The following ZBTB10 variants were observed in gnomAD, a reference collection of about 807,000 sequenced individuals.
ZBTB10 encodes zinc finger and BTB domain-containing protein 10.
A neutral mutation model predicts 76.4 loss-of-function variants in ZBTB10; 32 were observed. The ratio of observed to expected loss-of-function variants is 0.42; its 90% CI spans 0.32 to 0.56. The LOEUF is 0.56. ZBTB10 is among the 20% of genes least tolerant of loss of function. The pLI is 0.14. For missense variants in ZBTB10, 1,057 were observed against 1,098.5 expected, an observed-to-expected ratio of 0.96 and a Z score of 0.53; for synonymous variants, 523 against 432.9, an observed-to-expected ratio of 1.21 and a Z score of -2.58.
chr8:80,497,228 C>G (rs1386213622), intron 1 of ZBTB10, among the ~76,000 whole-genome samples: 1 of 149,894 alleles, frequency 6.7e-6, no homozygotes, highest in African/African-American at 2.4e-5. Flanking sequence ...TTTTTTTTTT[C>G]TTTTAACCAA....
chr8:80,516,161 C>T (rs1040801340), intron 3 of ZBTB10, among the ~76,000 whole-genome samples: 6 of 152,130 alleles, frequency 3.9e-5, no homozygotes, highest in African/African-American at 1.2e-4. Context: ...TGGGCTCAAG[C>T]GATCCTCCCA....
chr8:80,490,043 T>C (rs182183751), intron 1 of ZBTB10, among the ~76,000 whole-genome samples: 45 of 152,326 alleles, frequency 3.0e-4, no homozygotes, highest in Admixed American at 1.0e-3. Flanking sequence ...GCAATCATTT[T>C]GTTTTTCGTT....
At chr8:80,510,639 A>AGTGTGGGGGTGTGTGTGT (rs60169757) in intron 2 of ZBTB10, among the ~76,000 whole-genome samples, 21 of 125,784 alleles carry the variant, frequency 1.7e-4, no homozygotes, top group African/African-American at 6.1e-4. Flanking sequence ...TTGTGAAACC[A>AGTGTGGGGGTGTGTGTGT]GTGTGTGTGT....
intron 1 of ZBTB10, among the ~76,000 whole-genome samples, chr8:80,493,207 G>GCACACACACACACACACACA (rs369440030): frequency 4.0e-5 from 5 of 125,244 alleles, no homozygotes; most frequent in Admixed American, 1.6e-4. Context: ...GCGCGCGCGC[G>GCACACACACACACACACACA]CACACACACA....
At chr8:80,493,235 A>C (rs1815690588) in intron 1 of ZBTB10, among the ~76,000 whole-genome samples, 1 of 151,034 alleles carries the variant, frequency 6.6e-6, no homozygotes, top group Non-Finnish European at 1.5e-5. Flanking sequence ...ACACACACAC[A>C]CACACACACA....
intron 3 of ZBTB10, among the ~76,000 whole-genome samples, chr8:80,517,224 A>G (rs1273780198): frequency 1.3e-5 from 2 of 152,196 alleles, no homozygotes; most frequent in Non-Finnish European, 2.9e-5. Context: ...TGCTGAGAAC[A>G]GACTCTAGGA....
chr8:80,491,600 GC>G (rs1291451245), intron 1 of ZBTB10, among the ~76,000 whole-genome samples: 2 of 152,178 alleles, frequency 1.3e-5, no homozygotes, highest in Non-Finnish European at 2.9e-5. Context: ...TGTGTTTTGA[GC>G]CTTCTATTTC....
intron 1 of ZBTB10, among the ~76,000 whole-genome samples, chr8:80,496,313 A>C (rs985119774): frequency 1.3e-5 from 2 of 151,078 alleles, no homozygotes; most frequent in Admixed American, 1.3e-4. Context: ...TAGAGAGTAC[A>C]CATACTCTTG....
rs148770505 is a variant in ZBTB10, at chr8:80,525,363, A to G, written c.*5835A>G. On this transcript the variant is annotated 3_prime_UTR_variant, in exon 6 of 6. Transcript: ENST00000455036. ...ATAACTGCATGGCGCCTTACCTGCT[A>G]TTAATACTGCCGCCTTACTGTCAGC... is the stretch of plus-strand genomic sequence containing the variant. 2 of 152,288 alleles carry G rather than the reference A, an allele frequency of 1.3e-5. No individual in the cohort carries two copies. The highest frequency in any genetic ancestry group is 1.9e-4 in the East Asian group (1 of 5,190). 9.4% of individuals were successfully genotyped at this position (152,288 alleles called of 1,614,324 possible). A position where few individuals can be genotyped will look rare whatever the true frequency, so the allele number is the denominator to read the frequency against.
In ZBTB10 at chr8:80,500,324, A is replaced by C; in HGVS notation, c.1803A>C (p.Val601=). The C allele has an allele frequency of 6.3e-7, 1 of 1,586,432 alleles. No individual in the cohort carries two copies. Among genetic ancestry groups the C allele is most frequent in the Non-Finnish European group, 8.6e-7 (1 of 1,165,756 alleles). The part of the protein sequence containing the change: ...NNETNLEDCS[V]MQPPVAYPEE... ...AAACGAATTTAGAAGATTGCTCAGTAATGCAGCCACCTGTTGCCTATCCAG... is the reference window on the plus strand; with the variant it reads ...AAACGAATTTAGAAGATTGCTCAGTCATGCAGCCACCTGTTGCCTATCCAG... Residue 601 remains valine, a synonymous_variant, in exon 2 of 6, where the codon GTA becomes GTC. Transcript: ENST00000455036.
At chr8:80,519,121 G>T (rs1816397815) in intron 5 of ZBTB10, 102 bp from the exon 6 acceptor site, 1 of 1,408,738 alleles carries the variant, frequency 7.1e-7, no homozygotes, top group Non-Finnish European at 9.5e-7. Flanking sequence ...AGAGAAACTG[G>T]TGTATTCACT....
At chr8:80,485,687 T>C, upstream of ZBTB10, 8 of 1,135,568 alleles carry the variant, frequency 7.0e-6, no homozygotes, top group Non-Finnish European at 9.9e-6. Flanking sequence ...GTGTCCGTGG[T>C]CGTAACCTCT....
chr8:80,501,839 C>G (rs1338030226), intron 2 of ZBTB10, among the ~76,000 whole-genome samples: 4 of 152,224 alleles, frequency 2.6e-5, no homozygotes, highest in Non-Finnish European at 4.4e-5. Flanking sequence ...GACTCCTTAG[C>G]TAGCACTTTG....
chr8:80,494,890 A>C (rs1815740126), intron 1 of ZBTB10, among the ~76,000 whole-genome samples: 1 of 147,704 alleles, frequency 6.8e-6, no homozygotes, highest in Admixed American at 7.0e-5. Context: ...TAACCACTGC[A>C]CTCCAGCCTG....
In ZBTB10 at chr8:80,500,125, A is replaced by G; in HGVS notation, c.1604A>G (p.Asp535Gly). 1 of 1,613,938 alleles carries G rather than the reference A, an allele frequency of 6.2e-7. No individual in the cohort carries two copies. The highest frequency in any genetic ancestry group is 8.5e-7 in the Non-Finnish European group (1 of 1,179,866). The part of the protein sequence containing the change: ...EGQIENYQMN[D>G]SSWVQDGSPE... Reference sequence around the variant, plus strand: ...CAAATAGAAAACTACCAAATGAATGACAGTAGTTGGGTCCAGGATGGATCT... The same window carrying G: ...CAAATAGAAAACTACCAAATGAATGGCAGTAGTTGGGTCCAGGATGGATCT... Residue 535 changes from aspartate to glycine, a missense_variant, in exon 2 of 6, where the codon GAC becomes GGC. Around this residue, in one of 5 missense-constraint regions of ZBTB10, gnomAD observed 306 missense variants for 297.5 expected, o/e 1.03. Transcript: ENST00000455036.
At position 80,518,536 on chromosome 8, in the gene ZBTB10, A is replaced by T. The variant is rs1233184365; in HGVS notation, c.2094A>T (p.Gly698=). The T allele has an allele frequency of 6.4e-7, 1 of 1,553,366 alleles. No individual in the cohort carries two copies. Among genetic ancestry groups the T allele is most frequent in the Admixed American group, 2.0e-5 (1 of 51,182 alleles). Residue 698 remains glycine, a synonymous_variant, in exon 4 of 6, where the codon GGA becomes GGT. Coordinates refer to ENST00000455036, the MANE Select transcript of ZBTB10 (RefSeq NM_001105539.3). Reference sequence around the variant, plus strand: ...GTGCTTCAAATGATTTCAAGTATGGATTATTGCCAGAATCTTGGCCAAAAC... The same window carrying T: ...GTGCTTCAAATGATTTCAAGTATGGTTTATTGCCAGAATCTTGGCCAAAAC... ...IPGASNDFKY[G]LLPESWPKQE... is the part of the protein sequence containing the mutation.
Position 80,486,294 on chromosome 8 carries a change from T to C in ZBTB10, c.-517T>C. 9.9e-7 allele frequency: 1 copy of C among 1,012,448 alleles called. No individual in the cohort carries two copies. Among genetic ancestry groups the C allele is most frequent in the Non-Finnish European group, 1.2e-6 (1 of 848,802 alleles). The allele number at this position is 1,012,448 out of a possible 1,614,324, so 62.7% of individuals were successfully genotyped here. On this transcript the variant is annotated 5_prime_UTR_variant, in exon 1 of 6. Coordinates refer to ENST00000455036, the MANE Select transcript of ZBTB10 (RefSeq NM_001105539.3). ...CTCCGCCGGCTTTATTGTCGCTTCG[T>C]TATGTGGCGGAGCCGAGCAGTTTAG... is the stretch of plus-strand genomic sequence containing the variant.
Position 80,486,280 on chromosome 8 carries a change from T to G in ZBTB10, c.-531T>G. 7 of 1,014,188 alleles carry G rather than the reference T, an allele frequency of 6.9e-6. No homozygotes were observed. The highest frequency in any genetic ancestry group is 8.2e-6 in the Non-Finnish European group (7 of 850,004). The allele number at this position is 1,014,188 out of a possible 1,614,324, so 62.8% of individuals were successfully genotyped here. A position where few individuals can be genotyped will look rare whatever the true frequency, so the allele number is the denominator to read the frequency against. On this transcript the variant is annotated 5_prime_UTR_variant, in exon 1 of 6. Transcript: ENST00000455036. ...GTCGGACGGAAACGCTCCGCCGGCT[T>G]TATTGTCGCTTCGTTATGTGGCGGA... is the stretch of plus-strand genomic sequence containing the variant.
intron 3 of ZBTB10, among the ~76,000 whole-genome samples, chr8:80,516,031 G>A (rs186059463): frequency 1.1e-3 from 168 of 152,270 alleles, no homozygotes; most frequent in African/African-American, 3.9e-3. Context: ...TTCATTCCTT[G>A]TTATCATGGA....
Sources: allele counts gnomAD v4.1 joint callset (sites outside exome capture counted in the v4.1 genomes callset), GRCh38; gene constraint gnomAD v4.1.1; regional missense constraint gnomAD v4.1.1; transcripts MANE v1.5; gene names NCBI Gene and HGNC (gene_info 2026-07-23, HGNC 2026-07-21).